The following SERPINB7 variants were observed in gnomAD, a reference collection of about 807,000 sequenced individuals.
SERPINB7 encodes the protein serpin family B member 7.
In SERPINB7, 31 loss-of-function variants were observed where a neutral mutation model predicts 37.4. The observed-to-expected ratio is 0.83, with a 90% CI of 0.62 to 1.12. SERPINB7 has a LOEUF of 1.12. Ranked by LOEUF, SERPINB7 falls within the 50% of genes most tolerant of loss-of-function variation. The pLI, the probability that SERPINB7 is intolerant of heterozygous loss-of-function variation, is 0.00. For synonymous variants in SERPINB7, 163 were observed against 166.1 expected (o/e 0.98, Z 0.14); for missense variants, 521 against 455.3 (o/e 1.14, Z -1.31).
chr18:63,791,468 A>G (rs1412993325), intron 2 of SERPINB7, among the ~76,000 whole-genome samples: 1 of 152,190 alleles, frequency 6.6e-6, no homozygotes, highest in Non-Finnish European at 1.5e-5. Flanking sequence ...AAAATCTGGT[A>G]GGTAAAACTT....
chr18:63,777,333 T>C (rs1262620349), intron 1 of SERPINB7, among the ~76,000 whole-genome samples: 1 of 152,076 alleles, frequency 6.6e-6, no homozygotes, highest in Non-Finnish European at 1.5e-5. Context: ...GTGCTACTCC[T>C]CTATGACAGT....
chr18:63,777,222 T>C (rs1720852), intron 1 of SERPINB7, among the ~76,000 whole-genome samples: 26,076 of 151,970 alleles, frequency 0.17, 2,548 homozygotes, highest in East Asian at 0.45. Context: ...TGTGTGTGTG[T>C]ACTAATGAAA....
chr18:63,802,811 C>A (rs1279634383), intron 7 of SERPINB7, among the ~76,000 whole-genome samples: 2 of 152,120 alleles, frequency 1.3e-5, no homozygotes, highest in Non-Finnish European at 2.9e-5. Context: ...ACACTTTCTG[C>A]ATAGACAAAG....
rs890424767 is a variant in SERPINB7 at position 63,775,589 on chromosome 18, A to G, written c.-146A>G. On this transcript the variant is annotated 5_prime_UTR_variant, in exon 1 of 8. It removes an upstream start codon present in the reference 5' UTR. Transcript: ENST00000398019. ...TCTCCTTCATCACCTTCCTAAGTGC[A>G]TGGGGGAAAATACCTAGGGCTCAAC... is the stretch of plus-strand genomic sequence containing the variant. 3.9e-5 allele frequency: 6 copies of G among 152,174 alleles called. No individual in the cohort carries two copies. Among genetic ancestry groups the G allele is most frequent in the African/African-American group, 1.2e-4 (5 of 41,446 alleles). 9.4% of individuals were successfully genotyped at this position (152,174 alleles called of 1,614,324 possible). A position where few individuals can be genotyped will look rare whatever the true frequency, so the allele number is the denominator to read the frequency against.
chr18:63,782,611 G>T, intron 2 of SERPINB7, 71 bp downstream of exon 2: 2 of 1,442,614 alleles, frequency 1.4e-6, no homozygotes, highest in South Asian at 2.8e-5. Context: ...CGTTGCAATG[G>T]TCCCCATGTT....
intron 4 of SERPINB7, among the ~76,000 whole-genome samples, chr18:63,794,004 C>A (rs945542159): frequency 6.6e-6 from 1 of 151,588 alleles, no homozygotes; most frequent in Non-Finnish European, 1.5e-5. Flanking sequence ...AGTGCACTGG[C>A]GCAATCTCGG....
intron 2 of SERPINB7, 58 bp from the exon 3 acceptor site, chr18:63,792,335 C>T: frequency 2.4e-6 from 3 of 1,252,052 alleles, no homozygotes; most frequent in Non-Finnish European, 3.5e-6. Context: ...AAACCTCTTG[C>T]AAACTGTTCT....
chr18:63,786,142 T>TATAC (rs141263869), intron 2 of SERPINB7, among the ~76,000 whole-genome samples: 1 of 45,958 alleles, frequency 2.2e-5, no homozygotes, highest in African/African-American at 6.4e-5. Context: ...TATACATATA[T>TATAC]ACACACACAC....
chr18:63,776,725 A>T (rs1347899991), intron 1 of SERPINB7, among the ~76,000 whole-genome samples: 3 of 151,264 alleles, frequency 2.0e-5, no homozygotes, highest in Non-Finnish European at 4.4e-5. Context: ...GGGGGGTTTA[A>T]ATCATTAAGA....
At chr18:63,757,975 C>T (rs937992365) in intron 1 of SERPINB7, among the ~76,000 whole-genome samples, 1 of 152,142 alleles carries the variant, frequency 6.6e-6, no homozygotes, top group Non-Finnish European at 1.5e-5. Context: ...GGTGTGTTGT[C>T]CTTCCATTTT....
intron 2 of SERPINB7, among the ~76,000 whole-genome samples, chr18:63,783,265 A>AGAAAGAAC (rs2049330774): frequency 6.6e-6 from 1 of 150,854 alleles, no homozygotes; most frequent in Admixed American, 6.6e-5. Context: ...AAAGAAAGAA[A>AGAAAGAAC]GAAAGAAAGA....
intron 1 of SERPINB7, among the ~76,000 whole-genome samples, chr18:63,756,509 A>C (rs1411088020): frequency 6.6e-6 from 1 of 152,136 alleles, no homozygotes; most frequent in African/African-American, 2.4e-5. Flanking sequence ...AATAAGCCCA[A>C]ACCAGTCTCT....
At chr18:63,760,692 C>T (rs1489714645) in intron 1 of SERPINB7, among the ~76,000 whole-genome samples, 1 of 152,170 alleles carries the variant, frequency 6.6e-6, no homozygotes, top group African/African-American at 2.4e-5. Context: ...GTCCCAGCTG[C>T]TCCAGCAGTG....
Position 63,793,211 on chromosome 18 carries a change from C to A in SERPINB7, c.270C>A (p.Ser90=). The change falls in exon 4 of 8, where the codon TCC becomes TCA. Residue 90 remains serine, a synonymous_variant. Coordinates refer to ENST00000398019, the MANE Select transcript of SERPINB7 (RefSeq NM_003784.4). ...LKRVFSDINA[S]HKDYDLSIVN... ...GAGTTTTTTCTGATATAAATGCATC[C>A]CACAAGGATTATGATCTCAGCATTG... 11 of 1,607,288 alleles carry A rather than the reference C, an allele frequency of 6.8e-6. No individual in the cohort carries two copies. Among genetic ancestry groups the A allele is most frequent in the Non-Finnish European group, 9.4e-6 (11 of 1,176,050 alleles).
intron 1 of SERPINB7, among the ~76,000 whole-genome samples, chr18:63,761,215 A>G (rs943249801): frequency 2.0e-5 from 3 of 152,152 alleles, no homozygotes; most frequent in African/African-American, 7.2e-5. Flanking sequence ...GGCAAAGGAG[A>G]TTATTTTGGA....
chr18:63,786,043 T>C (rs1216471721), intron 2 of SERPINB7, among the ~76,000 whole-genome samples: 7 of 100,678 alleles, frequency 7.0e-5, no homozygotes, highest in Non-Finnish European at 1.6e-4. Flanking sequence ...TATACACATA[T>C]ATATAATATA....
chr18:63,804,663 T>C lies in SERPINB7; in HGVS notation c.*28T>C. ...ATCCAATTGGTTTCTGTTATAGCAG[T>C]CCCCACAACATCAAAGAACCACCAC... On this transcript the variant is annotated 3_prime_UTR_variant, in exon 8 of 8. Transcript: ENST00000398019. 4 of 1,553,342 alleles carry C rather than the reference T, an allele frequency of 2.6e-6. No homozygotes were observed. Among genetic ancestry groups the C allele is most frequent in the Non-Finnish European group, 3.5e-6 (4 of 1,150,944 alleles).
chr18:63,764,041 T>C (rs1036799902), intron 1 of SERPINB7, among the ~76,000 whole-genome samples: 21 of 152,232 alleles, frequency 1.4e-4, no homozygotes, highest in African/African-American at 5.1e-4. Flanking sequence ...AAACTCTGCA[T>C]GCCATTTCTA....
At chr18:63,773,332 C>T (rs1333892049), upstream of SERPINB7, among the ~76,000 whole-genome samples, 1 of 152,190 alleles carries the variant, frequency 6.6e-6, no homozygotes, top group East Asian at 1.9e-4. Flanking sequence ...ACATCAGCTT[C>T]CAGGGAATAG....
Sources: allele counts gnomAD v4.1 joint callset (sites outside exome capture counted in the v4.1 genomes callset), GRCh38; gene constraint gnomAD v4.1.1; transcripts MANE v1.5; gene names NCBI Gene and HGNC (gene_info 2026-07-23, HGNC 2026-07-21).